Variants in SPAG17 observed in about 807,000 individuals in gnomAD.
SPAG17 encodes sperm-associated antigen 17.
In SPAG17, 169 loss-of-function variants were observed where a neutral mutation model predicts 273.6. The ratio of observed to expected loss-of-function variants is 0.62; its 90% confidence interval spans 0.55 to 0.70. The LOEUF (loss-of-function observed/expected upper bound fraction) is 0.70, where lower values mean the gene tolerates loss of function less well. Among genes scored for constraint, SPAG17 ranks in the 30% least tolerant of loss-of-function variants. SPAG17 has a pLI of 0.00. For missense variants in SPAG17, 2,557 were observed against 2,627.8 expected (o/e 0.97, Z 0.59); for synonymous variants, 825 against 873.2 (o/e 0.94, Z 0.97).
Position 118,066,837 on chromosome 1 carries a change from G to A in SPAG17, c.2448C>T (p.Asn816=). ...CVDSYYHTQD[N]SLLLVFHNPM... The stretch of plus-strand genomic sequence containing the variant: ...GATTGTGAAAGACTAAAAGTAAAGA[G>A]TTGTCTTGGGTGTGGTAGTAAGAAT... Residue 816 remains asparagine (N), a synonymous_variant, in exon 18 of 49, where the codon AAC becomes AAT. Transcript: ENST00000336338. The A allele has an allele frequency of 6.2e-7, 1 of 1,613,882 alleles. No individual in the cohort carries two copies. Among genetic ancestry groups the A allele is most frequent in the Non-Finnish European group, 8.5e-7 (1 of 1,179,840 alleles).
intron 1 of SPAG17, among the ~76,000 whole-genome samples, chr1:118,173,902 T>G (rs949575942): frequency 6.9e-6 from 1 of 144,914 alleles, no homozygotes; most frequent in African/African-American, 2.6e-5. Flanking sequence ...CCAGGAAGAA[T>G]GCATGCATGC....
At chr1:117,991,632 T>A in intron 36 of SPAG17, 104 bp from the exon 37 acceptor site, 1 of 687,080 alleles carries the variant, frequency 1.5e-6, no homozygotes. Flanking sequence ...GAAGAATATA[T>A]AGGTTTACAG....
At chr1:117,975,794 G>A (rs996906664) in intron 43 of SPAG17, among the ~76,000 whole-genome samples, 2 of 152,292 alleles carry the variant, frequency 1.3e-5, no homozygotes, top group Admixed American at 6.5e-5. Context: ...AAGCATTCCA[G>A]TAGTTTGGTA....
At chr1:118,113,271 A>G (rs1570716247) in intron 4 of SPAG17, among the ~76,000 whole-genome samples, 1 of 152,182 alleles carries the variant, frequency 6.6e-6, no homozygotes, top group South Asian at 2.1e-4. Flanking sequence ...TTCAGGAAAG[A>G]TGAAAAGATT....
chr1:118,088,103 C>T (rs1244054399), intron 10 of SPAG17, among the ~76,000 whole-genome samples: 2 of 152,204 alleles, frequency 1.3e-5, no homozygotes. Flanking sequence ...ATCCTCTGAT[C>T]ATTTCTTTGA....
chr1:117,958,198 G>A (rs1652500866), intron 48 of SPAG17, among the ~76,000 whole-genome samples: 1 of 152,136 alleles, frequency 6.6e-6, no homozygotes, highest in African/African-American at 2.4e-5. Flanking sequence ...TGGTGAATTG[G>A]CCTGGTTTTA....
At chr1:118,046,773 T>C (rs1402018082) in intron 20 of SPAG17, among the ~76,000 whole-genome samples, 2 of 152,180 alleles carry the variant, frequency 1.3e-5, no homozygotes, top group Non-Finnish European at 2.9e-5. Flanking sequence ...GAATTCTTTT[T>C]TTGTGTGTGG....
intron 46 of SPAG17, among the ~76,000 whole-genome samples, chr1:117,966,989 G>A (rs941239481): frequency 1.3e-5 from 2 of 152,098 alleles, no homozygotes; most frequent in Non-Finnish European, 2.9e-5. Context: ...CAAACCAGGT[G>A]CTATTTAGGA....
Position 117,984,790 on chromosome 1 carries a change from A to T in SPAG17, c.5670-8T>A, listed in dbSNP as rs757408536. The T allele has an allele frequency of 6.5e-7, 1 of 1,538,600 alleles. No homozygotes were observed. Among genetic ancestry groups the T allele is most frequent in the Non-Finnish European group, 9.0e-7 (1 of 1,112,550 alleles). On this transcript the variant is annotated splice_region_variant and splice_polypyrimidine_tract_variant and intron_variant, in intron 40 of 48. Coordinates refer to ENST00000336338, the MANE Select transcript of SPAG17 (RefSeq NM_206996.4). ...GTTGTCTCAATTTCCTTCCTGGTTG[A>T]TGTTTCCATGATGATGCAAAAGAAG...
intron 1 of SPAG17, among the ~76,000 whole-genome samples, chr1:118,172,682 G>A (rs1446816091): frequency 1.3e-5 from 2 of 152,086 alleles, no homozygotes. Context: ...GAACACATAT[G>A]GGAACAAAAG....
In SPAG17 at chr1:118,101,759, G is replaced by A. The variant is rs1656080770; in HGVS notation, c.615C>T (p.Asp205=). 1 of 1,613,648 alleles carries A rather than the reference G, an allele frequency of 6.2e-7. No homozygotes were observed. Among genetic ancestry groups the A allele is most frequent in the Admixed American group, 1.7e-5 (1 of 59,980 alleles). Residue 205 remains aspartate, a synonymous_variant, in exon 5 of 49, where the codon GAC becomes GAT. Transcript: ENST00000336338. ...ACTGACCAATGTAACGATTGGTGTGGTCGTCTTCTCCTCTCCGCTTTAACT... is the reference window on the plus strand; with the variant it reads ...ACTGACCAATGTAACGATTGGTGTGATCGTCTTCTCCTCTCCGCTTTAACT... ...TTQLKRRGED[D]HTNRYIDDEP...
At chr1:118,177,362 CCTCA>C (rs373154578) in intron 1 of SPAG17, among the ~76,000 whole-genome samples, 68 of 152,128 alleles carry the variant, frequency 4.5e-4, no homozygotes, top group African/African-American at 1.6e-3. Flanking sequence ...TGCGAGATTC[CCTCA>C]CTATCACAAG....
intron 5 of SPAG17, among the ~76,000 whole-genome samples, chr1:118,100,770 G>A (rs1453843578): frequency 6.6e-6 from 1 of 152,106 alleles, no homozygotes; most frequent in Admixed American, 6.6e-5. Context: ...TGCATTCAAG[G>A]GAAGGCAGGA....
intron 17 of SPAG17, among the ~76,000 whole-genome samples, chr1:118,069,768 A>G (rs1336627141): frequency 6.6e-6 from 1 of 152,220 alleles, no homozygotes; most frequent in Non-Finnish European, 1.5e-5. Context: ...TGGAGGCTCC[A>G]GAGCCTTGAG....
intron 40 of SPAG17, among the ~76,000 whole-genome samples, chr1:117,985,054 A>T (rs1656256854): frequency 6.6e-6 from 1 of 152,212 alleles, no homozygotes; most frequent in Non-Finnish European, 1.5e-5. Flanking sequence ...AGTTGATCTC[A>T]AAAGGCTAAA....
intron 25 of SPAG17, among the ~76,000 whole-genome samples, chr1:118,030,516 T>C (rs1018130512): frequency 1.3e-5 from 2 of 152,262 alleles, no homozygotes; most frequent in East Asian, 3.9e-4. Context: ...GGTGGTTTGC[T>C]GCACCTATCA....
In SPAG17 at chr1:118,016,043, G is replaced by A. The variant is rs146386019; in HGVS notation, c.4209C>T (p.Ile1403=). ...WFTTTPEGNR[I]GTKGLERIAD... is the part of the protein sequence containing the mutation. ...CTATTCTTTCTAATCCTTTGGTGCC[G>A]ATCCGATTTCCTTCAGGTGTGGTTG... Residue 1403 remains isoleucine (I), a synonymous_variant, in exon 29 of 49, where the codon ATC becomes ATT. Coordinates refer to ENST00000336338, the MANE Select transcript of SPAG17 (RefSeq NM_206996.4). 3.8e-4 allele frequency: 608 copies of A among 1,613,956 alleles called. 2 individuals carry two copies. Among genetic ancestry groups the A allele is most frequent in the East Asian group, 2.9e-3 (129 of 44,866 alleles).
intron 3 of SPAG17, among the ~76,000 whole-genome samples, chr1:118,126,047 T>TG (rs1553253548): frequency 6.7e-6 from 1 of 150,224 alleles, no homozygotes; most frequent in Non-Finnish European, 1.5e-5. Flanking sequence ...TTTTCTGTTT[T>TG]TTTTTTTTTT....
In SPAG17 at chr1:118,127,648, G is replaced by A. The variant is rs1657814336; in HGVS notation, c.316-12207C>T. Among the ~76,000 whole-genome samples the A allele has an allele frequency of 2.6e-5, 4 of 152,320 alleles. No homozygotes were observed. In the South Asian group the frequency reaches 8.3e-4, roughly 32 times the overall value. ...TATCTCGTTCTGAAGAATGTCATTT[G>A]TATTTTGGTAGAGATTGCATTGAAT... On this transcript the variant is annotated intron_variant, in intron 3 of 48. Coordinates refer to ENST00000336338, the MANE Select transcript of SPAG17 (RefSeq NM_206996.4).
Sources: gnomAD v4.1 joint callset for allele counts (sites outside exome capture counted in the v4.1 genomes callset) on GRCh38, gnomAD v4.1.1 for gene constraint, MANE v1.5 for transcripts, NCBI Gene and HGNC (gene_info 2026-07-23, HGNC 2026-07-21) for gene names.